The following UBXN2A variants were observed in gnomAD, a reference collection of about 807,000 sequenced individuals.
UBXN2A encodes the protein UBX domain-containing protein 2A.
Under a neutral mutation model 28.4 loss-of-function variants are expected in UBXN2A, and 28 were observed. The observed-to-expected ratio is 0.99, with a 90% confidence interval of 0.73 to 1.35. UBXN2A has a LOEUF of 1.35. Ranked by LOEUF, UBXN2A falls within the 40% of genes most tolerant of loss-of-function variation. The pLI is 0.00. For missense variants in UBXN2A, 253 were observed against 297.9 expected, an observed-to-expected ratio of 0.85 and a Z score of 1.11; for synonymous variants, 97 against 103.6, an observed-to-expected ratio of 0.94 and a Z score of 0.39.
intron 3 of UBXN2A, among the ~76,000 whole-genome samples, chr2:23,976,686 G>A (rs1238997831): frequency 6.6e-6 from 1 of 152,150 alleles, no homozygotes; most frequent in Non-Finnish European, 1.5e-5. Context: ...CAACACACGG[G>A]AATTCTGGGA....
At chr2:23,951,443 T>G (rs1270858145) in intron 1 of UBXN2A, among the ~76,000 whole-genome samples, 9 of 129,356 alleles carry the variant, frequency 7.0e-5, no homozygotes, top group African/African-American at 2.3e-4. Context: ...TATATATATA[T>G]ATATATATAT....
intron 2 of UBXN2A, among the ~76,000 whole-genome samples, chr2:23,969,227 A>C (rs1163140915): frequency 6.6e-6 from 1 of 152,024 alleles, no homozygotes; most frequent in East Asian, 1.9e-4. Context: ...ATACAAAATA[A>C]AAACCAGTAA....
At chr2:23,988,638 C>T (rs1333757842) in intron 6 of UBXN2A, among the ~76,000 whole-genome samples, 4 of 152,144 alleles carry the variant, frequency 2.6e-5, no homozygotes. Context: ...AAAGTGGTGT[C>T]TACCAGAGTC....
At chr2:23,953,579 CT>C in intron 1 of UBXN2A, among the ~76,000 whole-genome samples, 1 of 152,114 alleles carries the variant, frequency 6.6e-6, no homozygotes, top group Non-Finnish European at 1.5e-5. Flanking sequence ...TCTTTCATAA[CT>C]TTTTTTTACG....
rs1225230972 is a variant in UBXN2A, at chr2:23,992,997, A to G, written c.585-6675A>G. The stretch of plus-strand genomic sequence containing the variant: ...AGGTTTCTGTTTTGTGGATTTCTTT[A>G]GCTACCATCTACCTGGTGCTTTCTA... On this transcript the variant is annotated intron_variant, in intron 6 of 6. Coordinates refer to ENST00000309033, the MANE Select transcript of UBXN2A (RefSeq NM_181713.4). 2.0e-5 allele frequency among the ~76,000 whole-genome samples: 3 copies of G among 152,198 alleles called. No individual in the cohort carries two copies. The East Asian group carries it at 5.8e-4, about 29-fold the overall frequency.
intron 1 of UBXN2A, among the ~76,000 whole-genome samples, chr2:23,941,504 G>A (rs775019262): frequency 3.3e-5 from 5 of 152,196 alleles, no homozygotes; most frequent in Admixed American, 6.5e-5. Context: ...GCAGGAGGGA[G>A]TGGTTAAGCA....
At position 24,003,893 on chromosome 2, in the gene UBXN2A, C is replaced by T. The variant is rs1708759094; in HGVS notation, c.*4026C>T. 6.6e-6 allele frequency: 1 copy of T among 152,162 alleles called. No individual in the cohort carries two copies. The highest frequency in any genetic ancestry group is 2.4e-5 in the African/African-American group (1 of 41,434). 9.4% of individuals were successfully genotyped at this position (152,162 alleles called of 1,614,324 possible). The stretch of plus-strand genomic sequence containing the variant: ...GCATAATTATAGTCAACATATGATT[C>T]TCCATGTAGGGGTCTCTCATTGAGA... On this transcript the variant is annotated 3_prime_UTR_variant, in exon 7 of 7. Coordinates refer to ENST00000309033, the MANE Select transcript of UBXN2A (RefSeq NM_181713.4).
chr2:23,941,254 A>C (rs1705742577), intron 1 of UBXN2A, among the ~76,000 whole-genome samples: 1 of 152,152 alleles, frequency 6.6e-6, no homozygotes, highest in African/African-American at 2.4e-5. Context: ...TAAAGATAGG[A>C]AACTGCTGAT....
chr2:23,991,197 A>G (rs540181421), intron 6 of UBXN2A, among the ~76,000 whole-genome samples: 2 of 152,212 alleles, frequency 1.3e-5, no homozygotes, highest in South Asian at 2.1e-4. Context: ...GGATTTGTCT[A>G]TTTCTTATTT....
At position 23,999,989 on chromosome 2, in the gene UBXN2A, C is replaced by T. The variant is rs1708681903; in HGVS notation, c.*122C>T. 1 of 876,416 alleles carries T rather than the reference C, an allele frequency of 1.1e-6. No homozygotes were observed. Among genetic ancestry groups the T allele is most frequent in the Admixed American group, 2.8e-5 (1 of 36,240 alleles). 54.3% of individuals were successfully genotyped at this position (876,416 alleles called of 1,614,324 possible). The stretch of plus-strand genomic sequence containing the variant: ...CTTTTGGTTCGAGTACTATTGAACT[C>T]TCTCCTGATGAGAAGATGTTTAGAT... On this transcript the variant is annotated 3_prime_UTR_variant, in exon 7 of 7. Coordinates refer to ENST00000309033, the MANE Select transcript of UBXN2A (RefSeq NM_181713.4).
At chr2:23,938,231 C>T (rs1376923352), upstream of UBXN2A, among the ~76,000 whole-genome samples, 3 of 152,010 alleles carry the variant, frequency 2.0e-5, no homozygotes, top group South Asian at 2.1e-4. Context: ...TTTGGGAGGC[C>T]GAGGCGGGTG....
rs147049897 is a variant in UBXN2A, at chr2:23,946,993, C to G, written c.-15+6345C>G. Among the ~76,000 whole-genome samples, 497 of 150,876 alleles carry G rather than the reference C, an allele frequency of 3.3e-3. 1 individual carries two copies. The highest frequency in any genetic ancestry group is 0.01 in the Middle Eastern group (3 of 292). On this transcript the variant is annotated intron_variant, in intron 1 of 6. Coordinates refer to ENST00000309033, the MANE Select transcript of UBXN2A (RefSeq NM_181713.4). ...GCCTTAAACTCCTGGACTCAAGCAA[C>G]TCTCCTGCCTCAGCATCCTGACTAG...
At position 23,999,887 on chromosome 2, in the gene UBXN2A, A is replaced by C. The variant is rs761387092; in HGVS notation, c.*20A>C. On this transcript the variant is annotated 3_prime_UTR_variant, in exon 7 of 7. Transcript: ENST00000309033. The stretch of plus-strand genomic sequence containing the variant: ...CACTGATTTTTGATAGACTAAGTGG[A>C]AAATTTGCAGAGAAATGATGGTTGT... 7.5e-6 allele frequency: 12 copies of C among 1,603,536 alleles called. No homozygotes were observed. The highest frequency in any genetic ancestry group is 2.7e-5 in the African/African-American group (2 of 74,282).
chr2:23,927,284 C>A (rs1705051503), upstream of UBXN2A: 1 of 152,518 alleles, frequency 6.6e-6, no homozygotes, highest in African/African-American at 2.4e-5. Flanking sequence ...CGGTGGTTTC[C>A]AGCTCTCCCC....
intron 6 of UBXN2A, among the ~76,000 whole-genome samples, chr2:23,990,231 C>G (rs1708303431): frequency 6.6e-6 from 1 of 151,664 alleles, no homozygotes; most frequent in Admixed American, 6.6e-5. Flanking sequence ...TGCCAGTGAC[C>G]TCCTCTGCTT....
At chr2:23,938,651 G>A (rs188906624), upstream of UBXN2A, among the ~76,000 whole-genome samples, 4 of 151,434 alleles carry the variant, frequency 2.6e-5, no homozygotes, top group Non-Finnish European at 4.4e-5. Flanking sequence ...AGCAAAGTTG[G>A]AGGACTCAAA....
At chr2:23,951,286 T>G (rs1706347214) in intron 1 of UBXN2A, among the ~76,000 whole-genome samples, 1 of 151,636 alleles carries the variant, frequency 6.6e-6, no homozygotes, top group African/African-American at 2.4e-5. Flanking sequence ...TCTTTATCTA[T>G]TTTGTTCAAT....
At chr2:23,962,575 AG>A (rs1438648556) in intron 2 of UBXN2A, among the ~76,000 whole-genome samples, 2 of 151,778 alleles carry the variant, frequency 1.3e-5, no homozygotes, top group Admixed American at 1.3e-4. Flanking sequence ...AATTTACAAA[AG>A]TAAGAGGTTT....
At chr2:23,993,728 A>T (rs188936908) in intron 6 of UBXN2A, among the ~76,000 whole-genome samples, 6 of 144,702 alleles carry the variant, frequency 4.1e-5, no homozygotes, top group Non-Finnish European at 9.0e-5. Flanking sequence ...TTGCTCTGTC[A>T]CCTGGTTGGA....
Sources: gnomAD v4.1 joint callset for allele counts (sites outside exome capture counted in the v4.1 genomes callset) on GRCh38, gnomAD v4.1.1 for gene constraint, MANE v1.5 for transcripts, NCBI Gene and HGNC (gene_info 2026-07-23, HGNC 2026-07-21) for gene names.